Variants in CDH1 observed in about 807,000 individuals in gnomAD.
CDH1 encodes cadherin 1, also known as cadherin-1.
CDH1 carries 35 observed loss-of-function variants against 84.5 expected under a neutral mutation model. The observed-to-expected ratio is 0.41, with a 90% CI of 0.32 to 0.55. The LOEUF (loss-of-function observed/expected upper bound fraction) is 0.55, where lower values mean the gene tolerates loss of function less well. Ranked by LOEUF, CDH1 falls within the 20% of genes least tolerant of loss-of-function variation. The pLI, the probability that CDH1 is intolerant of heterozygous loss-of-function variation, is 0.19. For missense variants in CDH1, 994 were observed against 1,126.6 expected (o/e 0.88, Z 1.68); for synonymous variants, 417 against 439.0 (o/e 0.95, Z 0.63).
rs1415466655 is a variant in CDH1, at chr16:68,742,768, AT to A, written c.163+4358del. 2.0e-5 allele frequency among the ~76,000 whole-genome samples: 3 copies of A among 152,302 alleles called. No individual in the cohort carries two copies. In the East Asian group the frequency reaches 5.8e-4, roughly 29 times the overall value. On this transcript the variant is annotated intron_variant, in intron 2 of 15. Transcript: ENST00000261769. ...TGTGCTGAACGTTTCAGAAAACAGT[AT>A]GCAGCCTCCCTAATACAATTAGACT... is the stretch of plus-strand genomic sequence containing the variant.
chr16:68,759,837 A>G (rs965566119), intron 2 of CDH1, among the ~76,000 whole-genome samples: 2 of 152,028 alleles, frequency 1.3e-5, no homozygotes, highest in Non-Finnish European at 2.9e-5. Flanking sequence ...TTCTACAGCT[A>G]GGGGAGCTGG....
chr16:68,738,851 C>T, intron 2 of CDH1, among the ~76,000 whole-genome samples: 1 of 150,898 alleles, frequency 6.6e-6, no homozygotes, highest in East Asian at 2.0e-4. Flanking sequence ...GACTCCCAGG[C>T]CCCATTAAGC....
At chr16:68,773,236 G>A (rs1377317800) in intron 2 of CDH1, among the ~76,000 whole-genome samples, 4 of 151,992 alleles carry the variant, frequency 2.6e-5, no homozygotes, top group Non-Finnish European at 4.4e-5. Flanking sequence ...AGTGTTGGTT[G>A]GAGACAAAAT....
intron 1 of CDH1, among the ~76,000 whole-genome samples, chr16:68,737,679 C>T (rs1483862828): frequency 6.6e-6 from 1 of 152,132 alleles, no homozygotes; most frequent in Non-Finnish European, 1.5e-5. Flanking sequence ...CTTTCCTGCC[C>T]CCTCCAGCGC....
chr16:68,794,582 CA>C (rs1960304664), intron 2 of CDH1, among the ~76,000 whole-genome samples: 5 of 151,708 alleles, frequency 3.3e-5, no homozygotes, highest in Non-Finnish European at 1.5e-5. Context: ...TGTGGTGGTA[CA>C]ATCATAGCAC....
Position 68,746,661 on chromosome 16 carries a change from T to A in CDH1, c.163+8250T>A, listed in dbSNP as rs541089703. ...CTCTATGGATGCAAGGAGGGGTGGA[T>A]GGGAGGCTGGGTGCAGTGGCTCATG... On this transcript the variant is annotated intron_variant, in intron 2 of 15. Coordinates refer to ENST00000261769, the MANE Select transcript of CDH1 (RefSeq NM_004360.5). 1.7e-4 allele frequency among the ~76,000 whole-genome samples: 26 copies of A among 151,980 alleles called. No individual in the cohort carries two copies. The South Asian group carries it at 4.2e-3, about 24-fold the overall frequency.
intron 2 of CDH1, among the ~76,000 whole-genome samples, chr16:68,779,673 A>G (rs1567491349): frequency 6.6e-6 from 1 of 152,214 alleles, no homozygotes; most frequent in Non-Finnish European, 1.5e-5. Flanking sequence ...CCTGGCCAAC[A>G]TGATGAAACC....
rs118072287 is a variant in CDH1, at chr16:68,740,816, G to A, written c.163+2405G>A. Among the ~76,000 whole-genome samples the A allele has an allele frequency of 3.2e-3, 481 of 152,256 alleles. 17 individuals are homozygous for A. The South Asian group carries it at 0.045, about 14-fold the overall frequency. On this transcript the variant is annotated intron_variant, in intron 2 of 15. Coordinates refer to ENST00000261769, the MANE Select transcript of CDH1 (RefSeq NM_004360.5). ...TAGTCTTCACTAGAACGTTAGGAGG[G>A]TGGGCACTGTTATTCTTCCTACTTT...
In CDH1 at chr16:68,810,221, A is replaced by G; in HGVS notation, c.712A>G (p.Asn238Asp). Reference protein sequence around the residue: ...YTLFSHAVSSNGNAVEDPMEI... With the variant: ...YTLFSHAVSSDGNAVEDPMEI... ...GCTCTTCTCTCACGCTGTGTCATCC[A>G]ACGGGAATGCAGTTGAGGATCCAAT... The change falls in exon 6 of 16, where the codon AAC becomes GAC. Residue 238 changes from asparagine to aspartate, a missense_variant. This residue lies in a region of CDH1 where 769 missense variants were observed against 881.8 expected (regional missense o/e 0.87). Coordinates refer to ENST00000261769, the MANE Select transcript of CDH1 (RefSeq NM_004360.5). The G allele has an allele frequency of 6.2e-7, 1 of 1,614,154 alleles. No homozygotes were observed. Among genetic ancestry groups the G allele is most frequent in the East Asian group, 2.2e-5 (1 of 44,882 alleles).
chr16:68,761,621 T>C (rs1959226999), intron 2 of CDH1, among the ~76,000 whole-genome samples: 1 of 151,858 alleles, frequency 6.6e-6, no homozygotes, highest in Admixed American at 6.6e-5. Context: ...GAGACAGGTG[T>C]GTAGGAAAGA....
At chr16:68,746,793 A>T (rs1490850771) in intron 2 of CDH1, among the ~76,000 whole-genome samples, 3 of 151,670 alleles carry the variant, frequency 2.0e-5, no homozygotes, top group African/African-American at 7.3e-5. Context: ...GCTAAATATA[A>T]AAAAAGCTAG....
At chr16:68,757,956 T>C (rs1963058279) in intron 2 of CDH1, among the ~76,000 whole-genome samples, 1 of 139,202 alleles carries the variant, frequency 7.2e-6, no homozygotes, top group Non-Finnish European at 1.5e-5. Flanking sequence ...ATGCCACCAC[T>C]CCAGGCTAAT....
chr16:68,743,791 G>A (rs1009784840), intron 2 of CDH1, among the ~76,000 whole-genome samples: 1 of 152,208 alleles, frequency 6.6e-6, no homozygotes, highest in Admixed American at 6.5e-5. Context: ...CAGGAAACTA[G>A]GTTTGAATTT....
rs955528859 is a variant in CDH1 at position 68,811,790 on chromosome 16, C to T, written c.939C>T (p.Asp313=). The T allele has an allele frequency of 6.2e-7, 1 of 1,614,024 alleles. No homozygotes were observed. The highest frequency in any genetic ancestry group is 1.7e-5 in the Admixed American group (1 of 59,986). The change falls in exon 7 of 16, where the codon GAC becomes GAT. Residue 313 remains aspartate, a synonymous_variant. Coordinates refer to ENST00000261769, the MANE Select transcript of CDH1 (RefSeq NM_004360.5). ...TCAGCCAAGATCCTGAGCTCCCTGA[C>T]AAAAATATGTTCACCATTAACAGGA... ...TILSQDPELP[D]KNMFTINRNT...
chr16:68,753,157 A>T (rs1962927290), intron 2 of CDH1, among the ~76,000 whole-genome samples: 1 of 142,366 alleles, frequency 7.0e-6, no homozygotes, highest in Non-Finnish European at 1.5e-5. Context: ...AGGTTGCAGT[A>T]AGCTGAGATC....
chr16:68,762,421 G>A (rs934877424), intron 2 of CDH1, among the ~76,000 whole-genome samples: 1 of 152,176 alleles, frequency 6.6e-6, no homozygotes, highest in Non-Finnish European at 1.5e-5. Flanking sequence ...CACTCAGTGA[G>A]TAGTTTGATG....
intron 2 of CDH1, among the ~76,000 whole-genome samples, chr16:68,784,911 T>G (rs1376696962): frequency 6.6e-6 from 1 of 152,128 alleles, no homozygotes; most frequent in East Asian, 1.9e-4. Flanking sequence ...CCTACCCTCC[T>G]GTTCGGTCAT....
chr16:68,800,464 G>A (rs1311077770), intron 2 of CDH1, among the ~76,000 whole-genome samples: 1 of 152,170 alleles, frequency 6.6e-6, no homozygotes, highest in East Asian at 1.9e-4. Flanking sequence ...CCTGATGGAA[G>A]AAATGAAAAC....
At chr16:68,809,769 G>T (rs887011033) in intron 5 of CDH1, among the ~76,000 whole-genome samples, 9 of 151,212 alleles carry the variant, frequency 6.0e-5, no homozygotes, top group African/African-American at 2.2e-4. Context: ...CAAGCAATCT[G>T]CCCACCTCGG....
Sources: allele counts gnomAD v4.1 joint callset (sites outside exome capture counted in the v4.1 genomes callset), GRCh38; gene constraint gnomAD v4.1.1; regional missense constraint gnomAD v4.1.1; transcripts MANE v1.5; gene names NCBI Gene and HGNC (gene_info 2026-07-23, HGNC 2026-07-21).